Variants in PACRG observed in about 807,000 individuals in gnomAD.
PACRG encodes parkin coregulated.
A neutral mutation model predicts 29.7 loss-of-function variants in PACRG; 29 were observed. The observed-to-expected ratio is 0.98, with a 90% confidence interval of 0.73 to 1.33. The LOEUF is 1.33. PACRG is among the 40% of genes most tolerant of loss of function. PACRG has a pLI of 0.00. For synonymous variants in PACRG, 116 were observed against 118.7 expected, an observed-to-expected ratio of 0.98 and a Z score of 0.15; for missense variants, 279 against 316.2, an observed-to-expected ratio of 0.88 and a Z score of 0.89.
chr6:162,959,129 G>A (rs1478854976), intron 2 of PACRG, among the ~76,000 whole-genome samples: 1 of 150,128 alleles, frequency 6.7e-6, no homozygotes, highest in Non-Finnish European at 1.5e-5. Flanking sequence ...ATGTTGACAA[G>A]GCTAGTCTTG....
chr6:163,156,119 C>G (rs959045890), intron 4 of PACRG, among the ~76,000 whole-genome samples: 1 of 152,232 alleles, frequency 6.6e-6, no homozygotes, highest in Non-Finnish European at 1.5e-5. Context: ...CCCTGAGCTG[C>G]CGCAGTCTCC....
rs962382422 is a variant in PACRG at position 163,312,520 on chromosome 6, G to A, written c.614-2307G>A. On this transcript the variant is annotated intron_variant, in intron 4 of 4. Coordinates refer to ENST00000366888, the MANE Select transcript of PACRG (RefSeq NM_001080379.2). The stretch of plus-strand genomic sequence containing the variant: ...CCTTCGTGGAAGGCTCCCCACAAGC[G>A]GAGCCACCGGGCTTCATCTCCCCCG... 3.5e-5 allele frequency among the ~76,000 whole-genome samples: 5 copies of A among 142,062 alleles called. No individual in the cohort carries two copies. The East Asian group carries it at 8.3e-4, about 23-fold the overall frequency. The allele number at this position is 142,062 out of a possible 152,430, so 93.2% of individuals were successfully genotyped here.
intron 4 of PACRG, among the ~76,000 whole-genome samples, chr6:163,152,580 T>C (rs550068046): frequency 6.6e-6 from 1 of 152,348 alleles, no homozygotes; most frequent in South Asian, 2.1e-4. Flanking sequence ...ACTATTGATA[T>C]GACTGTCATC....
At chr6:163,151,315 A>T (rs913431701) in intron 4 of PACRG, among the ~76,000 whole-genome samples, 5 of 152,080 alleles carry the variant, frequency 3.3e-5, no homozygotes, top group African/African-American at 1.2e-4. Flanking sequence ...TATGTTTTTT[A>T]ATGTGTTACC....
intron 4 of PACRG, among the ~76,000 whole-genome samples, chr6:163,119,445 A>G (rs1816163892): frequency 1.3e-5 from 2 of 152,358 alleles, no homozygotes; most frequent in South Asian, 4.1e-4. Flanking sequence ...TCCTGGCACG[A>G]TGATCAAGTG....
chr6:163,027,734 C>T (rs1388744061), intron 2 of PACRG, among the ~76,000 whole-genome samples: 1 of 152,190 alleles, frequency 6.6e-6, no homozygotes. Flanking sequence ...GGCTCTTTTG[C>T]AGCTTTCATG....
intron 4 of PACRG, among the ~76,000 whole-genome samples, chr6:163,279,501 G>C (rs977851160): frequency 3.9e-5 from 6 of 152,046 alleles, no homozygotes; most frequent in African/African-American, 1.4e-4. Flanking sequence ...CTGTCATTTT[G>C]ATTTCCATTT....
intron 4 of PACRG, among the ~76,000 whole-genome samples, chr6:163,300,532 T>C (rs1784948559): frequency 6.6e-6 from 1 of 152,216 alleles, no homozygotes; most frequent in Admixed American, 6.5e-5. Flanking sequence ...TGCCAATGCC[T>C]CTTACTATCT....
At chr6:162,860,986 T>C (rs1182917025) in intron 2 of PACRG, among the ~76,000 whole-genome samples, 18 of 152,172 alleles carry the variant, frequency 1.2e-4, no homozygotes, top group Non-Finnish European at 1.5e-5. Flanking sequence ...TCAATACAGA[T>C]GCAGATAAGG....
chr6:163,238,738 A>C (rs1186315366), intron 4 of PACRG, among the ~76,000 whole-genome samples: 2 of 152,248 alleles, frequency 1.3e-5, no homozygotes, highest in African/African-American at 4.8e-5. Flanking sequence ...AGTTCTATTA[A>C]CATTCATCTT....
At chr6:163,122,559 G>A (rs1050293058) in intron 4 of PACRG, among the ~76,000 whole-genome samples, 5 of 152,078 alleles carry the variant, frequency 3.3e-5, no homozygotes, top group African/African-American at 9.7e-5. Context: ...TCGCTCTCTC[G>A]CTTCCTCTCT....
chr6:162,747,720 G>T (rs1408334487), intron 1 of PACRG, among the ~76,000 whole-genome samples: 1 of 151,570 alleles, frequency 6.6e-6, no homozygotes, highest in East Asian at 2.0e-4. Flanking sequence ...AGACAGAGGA[G>T]ACAGTTTAAG....
At chr6:162,909,553 TC>T (rs1562722240) in intron 2 of PACRG, among the ~76,000 whole-genome samples, 4 of 81,940 alleles carry the variant, frequency 4.9e-5, no homozygotes, top group African/African-American at 1.5e-4. Context: ...AGACTCCATC[TC>T]AAAAAAAAAA....
At chr6:162,787,600 A>C (rs1259732546) in intron 1 of PACRG, among the ~76,000 whole-genome samples, 4 of 137,550 alleles carry the variant, frequency 2.9e-5, no homozygotes, top group African/African-American at 8.1e-5. Context: ...ATATATATAT[A>C]TATATATATA....
intron 2 of PACRG, among the ~76,000 whole-genome samples, chr6:163,052,648 C>T (rs755075921): frequency 2.6e-5 from 4 of 152,152 alleles, no homozygotes; most frequent in Non-Finnish European, 5.9e-5. Flanking sequence ...CCTCCCCAGC[C>T]ATGCAGAAAT....
intron 2 of PACRG, among the ~76,000 whole-genome samples, chr6:162,952,626 A>T (rs542327305): frequency 2.0e-5 from 3 of 152,204 alleles, no homozygotes; most frequent in African/African-American, 7.2e-5. Flanking sequence ...GTCTTGGCTC[A>T]GGAGAGTCCC....
intron 2 of PACRG, among the ~76,000 whole-genome samples, chr6:162,907,350 C>T (rs962781592): frequency 4.6e-5 from 7 of 152,012 alleles, no homozygotes; most frequent in Non-Finnish European, 1.0e-4. Context: ...GATATCTGAA[C>T]TCATTCATAA....
At chr6:162,844,672 A>G (rs571699503) in intron 2 of PACRG, among the ~76,000 whole-genome samples, 3 of 152,216 alleles carry the variant, frequency 2.0e-5, no homozygotes, top group Non-Finnish European at 4.4e-5. Flanking sequence ...GTGAATCTTC[A>G]ATTACATAAG....
intron 4 of PACRG, among the ~76,000 whole-genome samples, chr6:163,229,592 C>T (rs545911230): frequency 7.2e-5 from 11 of 152,174 alleles, no homozygotes; most frequent in East Asian, 1.9e-4. Flanking sequence ...ATGTGGCATT[C>T]GTAGTCAAGC....
Sources: gnomAD v4.1 joint callset for allele counts (sites outside exome capture counted in the v4.1 genomes callset) on GRCh38, gnomAD v4.1.1 for gene constraint, MANE v1.5 for transcripts, NCBI Gene and HGNC (gene_info 2026-07-23, HGNC 2026-07-21) for gene names.